The following ATP13A4 variants were observed in gnomAD, a reference collection of about 807,000 sequenced individuals.
ATP13A4 encodes the protein probable cation-transporting ATPase 13A4.
In ATP13A4, 114 loss-of-function variants were observed where a neutral mutation model predicts 142.5. The ratio of observed to expected loss-of-function variants is 0.80; its 90% CI spans 0.69 to 0.93. The LOEUF (loss-of-function observed/expected upper bound fraction) is 0.93, where lower values mean the gene tolerates loss of function less well. ATP13A4 is among the 40% of genes least tolerant of loss of function. The pLI is 0.00. For missense variants in ATP13A4, 1,392 were observed against 1,454.0 expected (o/e 0.96, Z 0.69); for synonymous variants, 488 against 514.8 (o/e 0.95, Z 0.70).
intron 28 of ATP13A4, 51 bp from the exon 29 acceptor site, chr3:193,407,444 A>C: frequency 7.2e-7 from 1 of 1,390,198 alleles, no homozygotes; most frequent in Non-Finnish European, 1.0e-6. Flanking sequence ...CAGATGCTGG[A>C]AACATGCTCA....
chr3:193,440,615 A>G lies in ATP13A4; in HGVS notation c.2462T>C (p.Phe821Ser). The G allele has an allele frequency of 1.9e-6, 3 of 1,614,072 alleles. No homozygotes were observed. Among genetic ancestry groups the G allele is most frequent in the Non-Finnish European group, 2.5e-6 (3 of 1,179,914 alleles). ...CTTCTGCCCAGGAGACATTCTTGCA[A>G]AGATGGTCCCATTGATCAATATCTG... Reference protein sequence around the residue: ...LPKILINGTIFARMSPGQKSS... With the variant: ...LPKILINGTISARMSPGQKSS... Residue 821 changes from phenylalanine to serine, a missense_variant, in exon 21 of 30, where the codon TTT (phenylalanine) becomes TCT (serine). Transcript: ENST00000342695.
chr3:193,520,734 C>A (rs1721670192), intron 1 of ATP13A4, among the ~76,000 whole-genome samples: 1 of 152,166 alleles, frequency 6.6e-6, no homozygotes, highest in South Asian at 2.1e-4. Flanking sequence ...TAATCTCCAA[C>A]AATGACTACT....
chr3:193,404,200 T>C (rs1413044010), intron 29 of ATP13A4: 15 of 971,518 alleles, frequency 1.5e-5, no homozygotes, highest in African/African-American at 1.8e-5. Context: ...GTAAAGGTTT[T>C]AAAATCTTAC....
intron 2 of ATP13A4, among the ~76,000 whole-genome samples, chr3:193,579,760 C>T (rs1300633743): frequency 6.6e-6 from 1 of 152,124 alleles, no homozygotes; most frequent in African/African-American, 2.4e-5. Flanking sequence ...TGGGAACAAC[C>T]TGGGTCTTGC....
intron 25 of ATP13A4, among the ~76,000 whole-genome samples, chr3:193,429,995 A>T (rs1715881230): frequency 6.6e-6 from 1 of 152,102 alleles, no homozygotes; most frequent in Non-Finnish European, 1.5e-5. Context: ...TGTTAACAAC[A>T]TATACACTTA....
upstream of ATP13A4, among the ~76,000 whole-genome samples, chr3:193,555,806 C>T (rs569155731): frequency 5.4e-4 from 83 of 152,304 alleles, no homozygotes; most frequent in African/African-American, 1.9e-3. Context: ...TAGAGAAACA[C>T]ACCCCTACCC....
At chr3:193,506,362 T>C (rs1720860210) in intron 2 of ATP13A4, among the ~76,000 whole-genome samples, 1 of 152,210 alleles carries the variant, frequency 6.6e-6, no homozygotes, top group African/African-American at 2.4e-5. Context: ...ACCTCCTCTT[T>C]ATCAAAAATA....
chr3:193,533,322 T>C (rs1046971687), intron 1 of ATP13A4, among the ~76,000 whole-genome samples: 6 of 152,100 alleles, frequency 3.9e-5, no homozygotes, highest in Non-Finnish European at 7.4e-5. Context: ...CTGAAATCCA[T>C]GGATTTTATA....
intron 21 of ATP13A4, among the ~76,000 whole-genome samples, chr3:193,439,652 G>A (rs929287395): frequency 6.6e-6 from 1 of 152,192 alleles, no homozygotes; most frequent in African/African-American, 2.4e-5. Flanking sequence ...ACACATCCTT[G>A]TTTCAGAATG....
At chr3:193,543,404 G>C (rs1385379643) in intron 1 of ATP13A4, among the ~76,000 whole-genome samples, 3 of 152,128 alleles carry the variant, frequency 2.0e-5, no homozygotes, top group Non-Finnish European at 2.9e-5. Flanking sequence ...CTAATATCCA[G>C]AAACTATAAG....
intron 23 of ATP13A4, among the ~76,000 whole-genome samples, chr3:193,436,820 C>G (rs951122884): frequency 6.8e-6 from 1 of 146,516 alleles, no homozygotes; most frequent in Admixed American, 6.7e-5. Flanking sequence ...ACCTGATCCC[C>G]GGGGCCGGGC....
At chr3:193,533,644 G>A (rs1422973319) in intron 1 of ATP13A4, among the ~76,000 whole-genome samples, 3 of 152,036 alleles carry the variant, frequency 2.0e-5, no homozygotes, top group African/African-American at 7.2e-5. Context: ...GGCCGAGTAA[G>A]ACAGAAAACT....
chr3:193,413,711 G>A (rs925816625), intron 26 of ATP13A4, among the ~76,000 whole-genome samples: 5 of 152,098 alleles, frequency 3.3e-5, no homozygotes, highest in African/African-American at 1.2e-4. Flanking sequence ...ATTAGGATGG[G>A]GGAAAAAACC....
intron 1 of ATP13A4, among the ~76,000 whole-genome samples, chr3:193,544,576 CA>C (rs1723121333): frequency 6.6e-6 from 1 of 152,164 alleles, no homozygotes; most frequent in Non-Finnish European, 1.5e-5. Flanking sequence ...ACCACTTCTA[CA>C]ATACAGGAAT....
At chr3:193,478,749 T>A (rs1286354012) in intron 8 of ATP13A4, among the ~76,000 whole-genome samples, 1 of 151,862 alleles carries the variant, frequency 6.6e-6, no homozygotes, top group Non-Finnish European at 1.5e-5. Flanking sequence ...AAAGAGGAAA[T>A]CCTCCCTAAA....
chr3:193,452,265 C>T (rs553856031), intron 17 of ATP13A4, among the ~76,000 whole-genome samples: 8 of 152,172 alleles, frequency 5.3e-5, no homozygotes, highest in Non-Finnish European at 8.8e-5. Context: ...CTTCCCTGGA[C>T]GCAAGTTGCC....
At chr3:193,502,351 A>G (rs1169000882) in intron 3 of ATP13A4, 142 bp downstream of exon 3, 1 of 1,003,556 alleles carries the variant, frequency 1.0e-6, no homozygotes, top group Non-Finnish European at 1.5e-6. Context: ...TGAGATTTGG[A>G]CTGTCTGGCT....
intron 12 of ATP13A4, among the ~76,000 whole-genome samples, chr3:193,463,795 A>G (rs1179097225): frequency 6.6e-6 from 1 of 152,182 alleles, no homozygotes; most frequent in Non-Finnish European, 1.5e-5. Flanking sequence ...TGCTAGTTTG[A>G]TCACAAAATA....
chr3:193,441,361 G>A (rs1716629936), intron 20 of ATP13A4, 105 bp downstream of exon 20: 1 of 1,390,390 alleles, frequency 7.2e-7, no homozygotes, highest in East Asian at 2.3e-5. Context: ...AAAACTCACT[G>A]AGTATATTTT....
Sources: gnomAD v4.1 joint callset for allele counts (sites outside exome capture counted in the v4.1 genomes callset) on GRCh38, gnomAD v4.1.1 for gene constraint, MANE v1.5 for transcripts, NCBI Gene and HGNC (gene_info 2026-07-23, HGNC 2026-07-21) for gene names.